Variants in BBX observed in about 807,000 individuals in gnomAD.
BBX encodes the protein HMG box transcription factor BBX.
A neutral mutation model predicts 100.2 loss-of-function variants in BBX; 30 were observed. The observed-to-expected ratio is 0.30, with a 90% CI of 0.22 to 0.41. The LOEUF (loss-of-function observed/expected upper bound fraction) is 0.41, where lower values mean the gene tolerates loss of function less well. Among genes scored for constraint, BBX ranks in the 10% least tolerant of loss-of-function variants. The probability of loss-of-function intolerance (pLI) is 1.00; values close to 1 mark genes in which losing one functional copy is unlikely to be tolerated. For synonymous variants in BBX, 376 were observed against 388.1 expected (o/e 0.97, Z 0.37); for missense variants, 1,023 against 1,129.8 (o/e 0.91, Z 1.35).
chr3:107,704,843 C>T (rs1330370535), intron 3 of BBX, among the ~76,000 whole-genome samples: 1 of 152,082 alleles, frequency 6.6e-6, no homozygotes, highest in Non-Finnish European at 1.5e-5. Flanking sequence ...GAATCAAGTA[C>T]AATCAAAGCT....
intron 2 of BBX, among the ~76,000 whole-genome samples, chr3:107,540,814 A>G (rs1264241930): frequency 6.6e-6 from 1 of 152,254 alleles, no homozygotes; most frequent in East Asian, 1.9e-4. Context: ...AACCTATACT[A>G]TTACAATTAG....
At chr3:107,774,414 A>G (rs1282288065) in intron 11 of BBX, among the ~76,000 whole-genome samples, 1 of 152,152 alleles carries the variant, frequency 6.6e-6, no homozygotes. Flanking sequence ...CCCACCAGCA[A>G]AGGACTCCCA....
chr3:107,805,419 C>T lies in BBX; in HGVS notation c.2788C>T (p.Pro930Ser), dbSNP rs770756237. The change falls in exon 18 of 18, where the codon CCG becomes TCG. Residue 930 changes from proline (P) to serine (S), a missense_variant. Around this residue, in one of 9 missense-constraint regions of BBX, gnomAD observed 104 missense variants for 132.2 expected, o/e 0.79. Coordinates refer to ENST00000325805, the MANE Select transcript of BBX (RefSeq NM_001142568.3). Reference protein sequence around the residue: ...LTHDGQPKEMPQAPVLISCAD... With the variant: ...LTHDGQPKEMSQAPVLISCAD... ...CCATGATGGACAGCCAAAAGAAATG[C>T]CGCAGGCTCCTGTACTTATTTCCTG... The T allele has an allele frequency of 6.2e-7, 1 of 1,614,094 alleles. No homozygotes were observed. Among genetic ancestry groups the T allele is most frequent in the Admixed American group, 1.7e-5 (1 of 60,028 alleles).
intron 3 of BBX, among the ~76,000 whole-genome samples, chr3:107,660,564 G>A (rs1423129147): frequency 6.8e-6 from 1 of 147,482 alleles, no homozygotes; most frequent in African/African-American, 2.5e-5. Flanking sequence ...TCACTAGAGG[G>A]CAGAGCAGTA....
intron 8 of BBX, among the ~76,000 whole-genome samples, chr3:107,745,285 T>C (rs987962403): frequency 1.3e-5 from 2 of 152,148 alleles, no homozygotes; most frequent in Non-Finnish European, 2.9e-5. Context: ...TCAGAATATC[T>C]TAATTTACTC....
intron 13 of BBX, among the ~76,000 whole-genome samples, chr3:107,784,585 CAG>C (rs1260950394): frequency 1.3e-5 from 2 of 151,676 alleles, no homozygotes; most frequent in African/African-American, 4.8e-5. Context: ...AAAGAGAAAT[CAG>C]AAAGTACTTT....
At position 107,618,021 on chromosome 3, in the gene BBX, T is replaced by C. The variant is rs189634828; in HGVS notation, c.-83-27815T>C. ...GTGTTAGCTGTAGGTTATTTTTAGA[T>C]GCTCTTTTACCAAGTTAAAGTTTCC... On this transcript the variant is annotated intron_variant, in intron 2 of 17. Coordinates refer to ENST00000325805, the MANE Select transcript of BBX (RefSeq NM_001142568.3). Among the ~76,000 whole-genome samples, 186 of 152,160 alleles carry C rather than the reference T, an allele frequency of 1.2e-3. 1 individual carries two copies. The highest frequency in any genetic ancestry group is 4.3e-3 in the African/African-American group (179 of 41,548).
At chr3:107,576,808 T>A (rs2051813867) in intron 2 of BBX, among the ~76,000 whole-genome samples, 1 of 152,182 alleles carries the variant, frequency 6.6e-6, no homozygotes, top group Non-Finnish European at 1.5e-5. Context: ...GCACTATTTT[T>A]CTTTCCTCCC....
intron 2 of BBX, among the ~76,000 whole-genome samples, chr3:107,580,107 G>A (rs2052161215): frequency 1.3e-5 from 2 of 151,948 alleles, no homozygotes; most frequent in Non-Finnish European, 2.9e-5. Flanking sequence ...CTTACTTATG[G>A]CATTATATAT....
chr3:107,567,514 G>A (rs534575329), intron 2 of BBX, among the ~76,000 whole-genome samples: 14 of 152,158 alleles, frequency 9.2e-5, no homozygotes, highest in African/African-American at 3.1e-4. Context: ...CCCTTCTAAA[G>A]ATTTGCTTCT....
intron 5 of BBX, among the ~76,000 whole-genome samples, chr3:107,719,327 C>T (rs2062355127): frequency 6.6e-6 from 1 of 151,982 alleles, no homozygotes; most frequent in Admixed American, 6.6e-5. Context: ...TTGCCAGTAT[C>T]TGTCCTGCCA....
chr3:107,553,920 G>A (rs1483572754), intron 2 of BBX, among the ~76,000 whole-genome samples: 1 of 152,008 alleles, frequency 6.6e-6, no homozygotes, highest in African/African-American at 2.4e-5. Context: ...TCAGGAAGAT[G>A]GTAGTATTTT....
rs1295109571 is a variant in BBX at position 107,768,312 on chromosome 3, C to A, written c.907-4316C>A. Among the ~76,000 whole-genome samples the A allele has an allele frequency of 2.0e-5, 3 of 152,246 alleles. No homozygotes were observed. The East Asian group carries it at 5.8e-4, about 29-fold the overall frequency. ...GAGAATGCTGTTGGCATGCTGTATC[C>A]AGATTTTAGCAAGACTTTTGACAGA... On this transcript the variant is annotated intron_variant, in intron 10 of 17. Coordinates refer to ENST00000325805, the MANE Select transcript of BBX (RefSeq NM_001142568.3).
intron 1 of BBX, chr3:107,524,575 G>A (rs1336674513): frequency 2.4e-5 from 3 of 122,760 alleles, no homozygotes; most frequent in Admixed American, 1.8e-4. Flanking sequence ...AAGGTAAAAC[G>A]AAACGATGCA....
At chr3:107,614,706 C>T (rs970897860) in intron 2 of BBX, among the ~76,000 whole-genome samples, 1 of 152,074 alleles carries the variant, frequency 6.6e-6, no homozygotes, top group African/African-American at 2.4e-5. Flanking sequence ...CATTGTTATA[C>T]TGTATTTTTT....
intron 2 of BBX, among the ~76,000 whole-genome samples, chr3:107,606,453 G>A (rs75107780): frequency 1.3e-5 from 2 of 152,236 alleles, no homozygotes; most frequent in East Asian, 3.9e-4. Context: ...TCATAGTTTG[G>A]AAGCCCCTGG....
intron 17 of BBX, among the ~76,000 whole-genome samples, chr3:107,804,116 GT>G (rs2070831290): frequency 6.6e-6 from 1 of 152,024 alleles, no homozygotes; most frequent in South Asian, 2.1e-4. Context: ...TAATCCAGAG[GT>G]TTGATTCTAA....
chr3:107,720,706 G>A (rs1056973520), intron 5 of BBX, among the ~76,000 whole-genome samples: 2 of 151,882 alleles, frequency 1.3e-5, no homozygotes, highest in African/African-American at 4.8e-5. Context: ...GAAAGTGTTG[G>A]TATCTATTTT....
chr3:107,590,010 T>TA (rs1426475406), intron 2 of BBX, among the ~76,000 whole-genome samples: 20 of 152,188 alleles, frequency 1.3e-4, no homozygotes, highest in Non-Finnish European at 1.8e-4. Context: ...CATTTTTTTT[T>TA]ACCCCAAGAA....
Sources: allele counts gnomAD v4.1 joint callset (sites outside exome capture counted in the v4.1 genomes callset), GRCh38; gene constraint gnomAD v4.1.1; regional missense constraint gnomAD v4.1.1; transcripts MANE v1.5; gene names NCBI Gene and HGNC (gene_info 2026-07-23, HGNC 2026-07-21).